Variants in ZFP30 observed in about 807,000 individuals in gnomAD.
ZFP30 encodes the protein ZFP30 zinc finger protein, also known as zinc finger protein 30 homolog.
A neutral mutation model predicts 12.3 loss-of-function variants in ZFP30; 16 were observed. That is an observed-to-expected ratio of 1.30 (90% confidence interval 0.88 to 1.98). ZFP30 has a LOEUF of 1.98. Among genes scored for constraint, ZFP30 ranks in the 30% most tolerant of loss-of-function variants. The probability of loss-of-function intolerance (pLI) is 0.00; values close to 1 mark genes in which losing one functional copy is unlikely to be tolerated. For synonymous variants in ZFP30, 172 were observed against 201.0 expected (o/e 0.86, Z 1.22); for missense variants, 560 against 611.2 (o/e 0.92, Z 0.88).
chr19:37,635,539 G>C lies in ZFP30; in HGVS notation c.1002C>G (p.Ala334=). ...KPYECKECGK[A]FRVRQQLTLH... ...GAGTAAGTTGCTGCCGCACTCTAAA[G>C]GCCTTTCCACACTCCTTACATTCAT... Residue 334 remains alanine, a synonymous_variant, in exon 6 of 6, where the codon GCC becomes GCG. Transcript: ENST00000684514. 6.2e-7 allele frequency: 1 copy of C among 1,614,076 alleles called. No homozygotes were observed. Among genetic ancestry groups the C allele is most frequent in the Non-Finnish European group, 8.5e-7 (1 of 1,180,018 alleles).
rs1319598139 is a variant in ZFP30, at chr19:37,639,762, T to C, written c.236-3457A>G. Reference sequence around the variant, plus strand: ...TCACTAATAATCAAATTAGAATAGGTTGTAAAATTTATCCTGTAAAATTTG... The same window carrying C: ...TCACTAATAATCAAATTAGAATAGGCTGTAAAATTTATCCTGTAAAATTTG... On this transcript the variant is annotated intron_variant, in intron 5 of 5. Coordinates refer to ENST00000684514, the MANE Select transcript of ZFP30 (RefSeq NM_001320669.3). Among the ~76,000 whole-genome samples, 5 of 150,612 alleles carry C rather than the reference T, an allele frequency of 3.3e-5. No homozygotes were observed. The East Asian group carries it at 7.7e-4, about 23-fold the overall frequency.
At chr19:37,643,766 A>AT (rs1199573229) in intron 4 of ZFP30, among the ~76,000 whole-genome samples, 1 of 152,130 alleles carries the variant, frequency 6.6e-6, no homozygotes, top group African/African-American at 2.4e-5. Context: ...GAGGTACTAC[A>AT]TTTGCTATTT....
intron 3 of ZFP30, among the ~76,000 whole-genome samples, chr19:37,645,607 G>A (rs1185698545): frequency 1.3e-5 from 2 of 149,784 alleles, no homozygotes; most frequent in Non-Finnish European, 3.0e-5. Flanking sequence ...TATGGAATAG[G>A]AGATAATTTT....
chr19:37,644,506 C>G, intron 4 of ZFP30, 104 bp downstream of exon 4: 7 of 1,316,782 alleles, frequency 5.3e-6, no homozygotes, highest in Non-Finnish European at 6.1e-6. Context: ...TGCACTTCAG[C>G]CTGGTGACTC....
chr19:37,651,058 C>A (rs748682949), intron 2 of ZFP30, among the ~76,000 whole-genome samples: 5 of 151,956 alleles, frequency 3.3e-5, no homozygotes, highest in Non-Finnish European at 7.4e-5. Context: ...TGGTTTTATT[C>A]TATTTCAGAG....
chr19:37,655,824 C>T (rs1005109494), upstream of ZFP30: 2 of 151,536 alleles, frequency 1.3e-5, no homozygotes, highest in South Asian at 2.1e-4. Flanking sequence ...TCACCGGAAC[C>T]TTTGGAAATC....
Position 37,634,839 on chromosome 19 carries a change from CA to C in ZFP30, c.*141del, listed in dbSNP as rs986038548. On this transcript the variant is annotated 3_prime_UTR_variant, in exon 6 of 6. Coordinates refer to ENST00000684514, the MANE Select transcript of ZFP30 (RefSeq NM_001320669.3). ...TGAAAGGCTTCTATATGTTCATTAACATATTCTTTCCTTTAAATAAAACTTC... is the reference window on the plus strand; with the variant it reads ...TGAAAGGCTTCTATATGTTCATTAACTATTCTTTCCTTTAAATAAAACTTC... 9 of 906,570 alleles carry C rather than the reference CA, an allele frequency of 9.9e-6. No individual in the cohort carries two copies. The Admixed American group carries it at 1.4e-4, about 14-fold the overall frequency. The allele number at this position is 906,570 out of a possible 1,614,324, so 56.2% of individuals were successfully genotyped here. A position where few individuals can be genotyped will look rare whatever the true frequency, so the allele number is the denominator to read the frequency against.
Position 37,635,199 on chromosome 19 carries a change from TAA to T in ZFP30, c.1340_1341del (p.Phe447Ter), listed in dbSNP as rs762574179. 1.9e-6 allele frequency: 3 copies of T among 1,613,536 alleles called. No individual in the cohort carries two copies. The highest frequency in any genetic ancestry group is 1.7e-4 in the Middle Eastern group (1 of 6,060). ...PFKCKECEKT[F>X]RLLSQLTQHQ... ...TGTTGGGTAAGTTGTGAAAGCAGTCTAAAAGTCTTCTCACATTCCTTACACTT... is the reference window on the plus strand; with the variant it reads ...TGTTGGGTAAGTTGTGAAAGCAGTCTAAGTCTTCTCACATTCCTTACACTT... On this transcript the variant is annotated frameshift_variant, in exon 6 of 6. Transcript: ENST00000684514. LOFTEE classifies it high-confidence loss of function.
Position 37,648,476 on chromosome 19 carries a change from ATTTTT to A in ZFP30, c.-77-582_-77-578del, listed in dbSNP as rs1215123174. The stretch of plus-strand genomic sequence containing the variant: ...TAATTAGTGTGACGTGGGATTTAGG[ATTTTT>A]TTTTTAACTACCTCCTCCTCCCATG... On this transcript the variant is annotated intron_variant, in intron 2 of 5. Transcript: ENST00000684514. 2.7e-5 allele frequency among the ~76,000 whole-genome samples: 4 copies of A among 150,126 alleles called. No homozygotes were observed. The South Asian group carries it at 8.5e-4, about 32-fold the overall frequency.
chr19:37,650,295 G>A (rs146798743), intron 2 of ZFP30, among the ~76,000 whole-genome samples: 1 of 151,840 alleles, frequency 6.6e-6, no homozygotes, highest in Non-Finnish European at 1.5e-5. Flanking sequence ...TTTTTACCGC[G>A]ATGCAGTCTA....
chr19:37,645,368 T>C (rs898215460), intron 3 of ZFP30, among the ~76,000 whole-genome samples: 1 of 152,136 alleles, frequency 6.6e-6, no homozygotes, highest in African/African-American at 2.4e-5. Context: ...TTCTTGAAGA[T>C]TTCTATAAAC....
chr19:37,634,884 A>G lies in ZFP30; in HGVS notation c.*97T>C. On this transcript the variant is annotated 3_prime_UTR_variant, in exon 6 of 6. Coordinates refer to ENST00000684514, the MANE Select transcript of ZFP30 (RefSeq NM_001320669.3). ...AAACTTCCTATGCTTAGTTGTGAGC[A>G]TGAAGCAAAAGGGATTCCCACGTTC... 7.6e-7 allele frequency: 1 copy of G among 1,321,234 alleles called. No individual in the cohort carries two copies. Among genetic ancestry groups the G allele is most frequent in the Non-Finnish European group, 1.0e-6 (1 of 1,004,760 alleles). 81.8% of individuals were successfully genotyped at this position (1,321,234 alleles called of 1,614,324 possible).
rs959189361 is a variant in ZFP30 at position 37,632,573 on chromosome 19, AAAC to A, written c.*2405_*2407del. On this transcript the variant is annotated 3_prime_UTR_variant, in exon 6 of 6. Transcript: ENST00000684514. ...ATAAATTTTCCTATAACAATTTTAA[AAAC>A]AAAAAAGTGTTATTCATTTTAATGT... 85 of 152,328 alleles carry A rather than the reference AAAC, an allele frequency of 5.6e-4. No individual in the cohort carries two copies. Among genetic ancestry groups the A allele is most frequent in the African/African-American group, 2.0e-3 (83 of 41,564 alleles). The allele number at this position is 152,328 out of a possible 1,614,324, so 9.4% of individuals were successfully genotyped here.
At position 37,647,886 on chromosome 19, in the gene ZFP30, C is replaced by T. The variant is rs2044573943; in HGVS notation, c.-64G>A. 4 of 1,572,802 alleles carry T rather than the reference C, an allele frequency of 2.5e-6. No homozygotes were observed. In the East Asian group the frequency reaches 9.0e-5, roughly 35 times the overall value. On this transcript the variant is annotated 5_prime_UTR_variant, in exon 3 of 6. Coordinates refer to ENST00000684514, the MANE Select transcript of ZFP30 (RefSeq NM_001320669.3). ...GTTCATGTACTTCAGAAGCAGGGTC[C>T]ACAGACACCAGAGCTGCAGAAAGAA...
At chr19:37,652,019 T>G (rs925563969) in intron 2 of ZFP30, among the ~76,000 whole-genome samples, 5 of 152,194 alleles carry the variant, frequency 3.3e-5, no homozygotes, top group Admixed American at 3.3e-4. Flanking sequence ...ACTCTTAAAA[T>G]TTCAATTCTG....
rs2044262425 is a variant in ZFP30 at position 37,633,201 on chromosome 19, G to A, written c.*1780C>T. Reference sequence around the variant, plus strand: ...AAAAAAAAAAAAAGGTGCATACCATGGGTACTATAATATAGAGATAGAGAG... The same window carrying A: ...AAAAAAAAAAAAAGGTGCATACCATAGGTACTATAATATAGAGATAGAGAG... On this transcript the variant is annotated 3_prime_UTR_variant, in exon 6 of 6. Coordinates refer to ENST00000684514, the MANE Select transcript of ZFP30 (RefSeq NM_001320669.3). 6.6e-6 allele frequency: 1 copy of A among 150,840 alleles called. No homozygotes were observed. Among genetic ancestry groups the A allele is most frequent in the South Asian group, 2.1e-4 (1 of 4,788 alleles). 9.3% of individuals were successfully genotyped at this position (150,840 alleles called of 1,614,324 possible). A position where few individuals can be genotyped will look rare whatever the true frequency, so the allele number is the denominator to read the frequency against.
rs2044321977 is a variant in ZFP30, at chr19:37,636,144, A to T, written c.397T>A (p.Ser133Thr). 1 of 1,614,166 alleles carries T rather than the reference A, an allele frequency of 6.2e-7. No homozygotes were observed. The highest frequency in any genetic ancestry group is 8.5e-7 in the Non-Finnish European group (1 of 1,180,036). ...TTTCTGTAAGTAGGCATTTTTTCAG[A>T]GGTGGTTTTTGTCACTTGCCTGAAA... ...VCFRQVTKTT[S>T]EKMPTYRKLT... Residue 133 changes from serine (S) to threonine (T), a missense_variant, in exon 6 of 6, where the codon TCT (serine) becomes ACT (threonine). Ser to Thr is a moderately conservative substitution (Grantham distance 58). Coordinates refer to ENST00000684514, the MANE Select transcript of ZFP30 (RefSeq NM_001320669.3).
chr19:37,635,441 T>C lies in ZFP30; in HGVS notation c.1100A>G (p.Tyr367Cys), dbSNP rs2044303029. The stretch of plus-strand genomic sequence containing the variant: ...TATTCTCTGATGGAGAGTTAGATGA[T>C]AGCCACGACTGAAAGTCTTCCCACA... The part of the protein sequence containing the change: ...KECGKTFSRG[Y>C]HLTLHQRIHT... The change falls in exon 6 of 6, where the codon TAT becomes TGT. Residue 367 changes from tyrosine to cysteine, a missense_variant. Tyr to Cys is a radical substitution (Grantham distance 194). Transcript: ENST00000684514. 2 of 1,613,890 alleles carry C rather than the reference T, an allele frequency of 1.2e-6. No homozygotes were observed. Among genetic ancestry groups the C allele is most frequent in the Non-Finnish European group, 1.7e-6 (2 of 1,179,964 alleles).
At chr19:37,649,093 A>T (rs921397930) in intron 2 of ZFP30, among the ~76,000 whole-genome samples, 13 of 151,974 alleles carry the variant, frequency 8.6e-5, no homozygotes, top group Admixed American at 2.6e-4. Context: ...AAATTTTTTT[A>T]AATTAGCTGG....
Sources: gnomAD v4.1 joint callset for allele counts (sites outside exome capture counted in the v4.1 genomes callset) on GRCh38, gnomAD v4.1.1 for gene constraint, MANE v1.5 for transcripts, NCBI Gene and HGNC (gene_info 2026-07-23, HGNC 2026-07-21) for gene names.